The following MPST variants were observed in gnomAD, a reference collection of about 807,000 sequenced individuals.
MPST encodes mercaptopyruvate sulfurtransferase.
A neutral mutation model predicts 28.5 loss-of-function variants in MPST; 27 were observed. The observed-to-expected ratio is 0.95, with a 90% CI of 0.70 to 1.31. The LOEUF is 1.31. MPST is among the 50% of genes most tolerant of loss of function. The pLI, the probability that MPST is intolerant of heterozygous loss-of-function variation, is 0.00. For missense variants in MPST, 492 were observed against 471.1 expected, an observed-to-expected ratio of 1.04 and a Z score of -0.41; for synonymous variants, 204 against 209.3, an observed-to-expected ratio of 0.97 and a Z score of 0.22.
chr22:37,029,158 G>A (rs184010911), intron 2 of MPST, 58 bp from the exon 3 acceptor site: 21 of 1,503,436 alleles, frequency 1.4e-5, no homozygotes, highest in South Asian at 2.4e-5. Context: ...CCACAAATAC[G>A]AGGTACCATT....
At position 37,024,918 on chromosome 22, in the gene MPST, A is replaced by G. The variant is rs139840172; in HGVS notation, c.655+108A>G. 226 of 1,541,474 alleles carry G rather than the reference A, an allele frequency of 1.5e-4. No homozygotes were observed. In the African/African-American group the frequency reaches 2.7e-3, roughly 19 times the overall value. ...TATTTTTTTAATTTATCTTGCTTTCATTTCCTTTCCTTTTTTCTTTCCTTT... is the reference window on the plus strand; with the variant it reads ...TATTTTTTTAATTTATCTTGCTTTCGTTTCCTTTCCTTTTTTCTTTCCTTT... On this transcript the variant is annotated intron_variant, in intron 2 of 2. Transcript: ENST00000429360.
Position 37,024,221 on chromosome 22 carries a change from T to C in MPST, c.66T>C (p.Ala22=), listed in dbSNP as rs931446969. Residue 22 remains alanine (A), a synonymous_variant, in exon 2 of 3, where the codon GCT becomes GCC. Coordinates refer to ENST00000429360, the MANE Select transcript of MPST (RefSeq NM_021126.8). The part of the protein sequence containing the change: ...RARSPSVAAM[A]SPQLCRALVS... ...GCAGCCCGAGTGTCGCCGCCATGGC[T>C]TCGCCGCAGCTCTGCCGCGCGCTGG... 1.2e-5 allele frequency: 17 copies of C among 1,385,278 alleles called. No individual in the cohort carries two copies. The highest frequency in any genetic ancestry group is 1.6e-5 in the Non-Finnish European group (17 of 1,077,872). 85.8% of individuals were successfully genotyped at this position (1,385,278 alleles called of 1,614,324 possible).
intron 1 of MPST, among the ~76,000 whole-genome samples, chr22:37,022,564 G>A (rs1923153320): frequency 6.6e-6 from 1 of 152,204 alleles, no homozygotes; most frequent in African/African-American, 2.4e-5. Flanking sequence ...CTGGGGCAGG[G>A]GAAGTCCAGC....
intron 1 of MPST, 94 bp downstream of exon 1, chr22:37,019,966 C>T: frequency 1.7e-6 from 1 of 591,154 alleles, no homozygotes; most frequent in Non-Finnish European, 2.5e-6. Flanking sequence ...GGGACCTGGG[C>T]GGAAGAGGGG....
At chr22:37,020,957 C>T (rs189032744) in intron 1 of MPST, among the ~76,000 whole-genome samples, 1 of 152,192 alleles carries the variant, frequency 6.6e-6, no homozygotes, top group Admixed American at 6.5e-5. Flanking sequence ...CCATCCCTGG[C>T]CTCATCCCTC....
Position 37,024,176 on chromosome 22 carries a change from C to G in MPST, c.37-16C>G, listed in dbSNP as rs1923286043. 7.3e-7 allele frequency: 1 copy of G among 1,373,468 alleles called. No individual in the cohort carries two copies. Among genetic ancestry groups the G allele is most frequent in the African/African-American group, 1.5e-5 (1 of 64,964 alleles). 85.1% of individuals were successfully genotyped at this position (1,373,468 alleles called of 1,614,324 possible). ...CCTCTCCCTGCTTCCCTTCTGACAT[C>G]CTCCCTGTCGCCCAGGCCCGCAGCC... On this transcript the variant is annotated splice_polypyrimidine_tract_variant and intron_variant, in intron 1 of 2. Transcript: ENST00000429360.
Position 37,024,219 on chromosome 22 carries a change from G to C in MPST, c.64G>C (p.Ala22Pro). Reference sequence around the variant, plus strand: ...CCGCAGCCCGAGTGTCGCCGCCATGGCTTCGCCGCAGCTCTGCCGCGCGCT... The same window carrying C: ...CCGCAGCCCGAGTGTCGCCGCCATGCCTTCGCCGCAGCTCTGCCGCGCGCT... The part of the protein sequence containing the change: ...RARSPSVAAM[A>P]SPQLCRALVS... The change falls in exon 2 of 3, where the codon GCT (alanine) becomes CCT (proline). Residue 22 changes from alanine to proline, a missense_variant. Ala to Pro is a conservative substitution (Grantham distance 27, BLOSUM62 -1). Transcript: ENST00000429360. 7.2e-7 allele frequency: 1 copy of C among 1,384,722 alleles called. No homozygotes were observed. Among genetic ancestry groups the C allele is most frequent in the Non-Finnish European group, 9.3e-7 (1 of 1,077,490 alleles). The allele number at this position is 1,384,722 out of a possible 1,614,324, so 85.8% of individuals were successfully genotyped here.
At chr22:37,028,878 T>G (rs1200776885) in intron 2 of MPST, 3 of 244,790 alleles carry the variant, frequency 1.2e-5, no homozygotes, top group Non-Finnish European at 2.4e-5. Context: ...TACTGCACGT[T>G]CTAGCTAGGC....
chr22:37,024,971 C>T (rs1019919905), intron 2 of MPST, 161 bp downstream of exon 2: 8 of 1,504,258 alleles, frequency 5.3e-6, no homozygotes, highest in Admixed American at 3.9e-5. Flanking sequence ...CTCCTTTCCC[C>T]CTTTTCCCTA....
chr22:37,029,160 G>A (rs8136338), intron 2 of MPST, 56 bp from the exon 3 acceptor site: 242,843 of 1,518,182 alleles, frequency 0.16, 21,432 homozygotes, highest in Admixed American at 0.24. Flanking sequence ...ACAAATACGA[G>A]GTACCATTCA....
At chr22:37,029,183 A>G (rs1248071777) in intron 2 of MPST, 33 bp from the exon 3 acceptor site, 2 of 1,595,664 alleles carry the variant, frequency 1.3e-6, no homozygotes, top group Admixed American at 1.7e-5. Context: ...GCATCCTTCT[A>G]TTTGTCCCCT....
intron 2 of MPST, chr22:37,028,942 G>A (rs1383328694): frequency 9.2e-6 from 4 of 436,142 alleles, no homozygotes; most frequent in South Asian, 8.0e-5. Context: ...AGGAAACCTT[G>A]GGGCCCAGTT....
chr22:37,029,805 C>T lies in MPST; in HGVS notation c.*291C>T, dbSNP rs894889111. On this transcript the variant is annotated 3_prime_UTR_variant, in exon 3 of 3. Coordinates refer to ENST00000429360, the MANE Select transcript of MPST (RefSeq NM_021126.8). The stretch of plus-strand genomic sequence containing the variant: ...TTTATTTTTGAGGAAATAAAATAAC[C>T]AAGTGCTAAATCTTGTAGCTCTGGG... The T allele has an allele frequency of 6.1e-6, 3 of 492,382 alleles. No individual in the cohort carries two copies. The highest frequency in any genetic ancestry group is 1.9e-5 in the African/African-American group (1 of 51,668). 30.5% of individuals were successfully genotyped at this position (492,382 alleles called of 1,614,324 possible).
chr22:37,024,592 C>A lies in MPST; in HGVS notation c.437C>A (p.Ser146Ter). 3 of 1,593,824 alleles carry A rather than the reference C, an allele frequency of 1.9e-6. No individual in the cohort carries two copies. The South Asian group carries it at 3.3e-5, about 18-fold the overall frequency. The change falls in exon 2 of 3, where the codon TCA (serine) becomes TAA (stop). Residue 146 changes from serine (S) to a stop codon, truncating the protein, a stop_gained. Transcript: ENST00000429360. LOFTEE classifies it high-confidence loss of function. ...MFRAFGHHAV[S>*]LLDGGLRHWL... ...CGCGCCTTCGGCCACCACGCCGTGTCACTGCTTGATGGCGGCCTCCGCCAC... is the reference window on the plus strand; with the variant it reads ...CGCGCCTTCGGCCACCACGCCGTGTAACTGCTTGATGGCGGCCTCCGCCAC...
chr22:37,024,536 C>T lies in MPST; in HGVS notation c.381C>T (p.Leu127=). The change falls in exon 2 of 3, where the codon CTC becomes CTT. Residue 127 remains leucine, a synonymous_variant. Transcript: ENST00000429360. ...VVIYDASDQG[L]YSAPRVWWMF... ...TCTACGACGCCAGCGACCAGGGCCTCTACTCCGCCCCGCGCGTCTGGTGGA... is the reference window on the plus strand; with the variant it reads ...TCTACGACGCCAGCGACCAGGGCCTTTACTCCGCCCCGCGCGTCTGGTGGA... 6.4e-7 allele frequency: 1 copy of T among 1,569,708 alleles called. No homozygotes were observed. The highest frequency in any genetic ancestry group is 8.6e-7 in the Non-Finnish European group (1 of 1,163,378).
At position 37,029,564 on chromosome 22, in the gene MPST, C is replaced by T; in HGVS notation, c.*50C>T. ...CAGGTGATGCCGGCCACCAGCAATG[C>T]CTGGCCTGGTAGCTCCGCTTCTGCT... On this transcript the variant is annotated 3_prime_UTR_variant, in exon 3 of 3. Coordinates refer to ENST00000429360, the MANE Select transcript of MPST (RefSeq NM_021126.8). 1 of 1,509,184 alleles carries T rather than the reference C, an allele frequency of 6.6e-7. No individual in the cohort carries two copies. The highest frequency in any genetic ancestry group is 9.0e-7 in the Non-Finnish European group (1 of 1,115,084). 93.5% of individuals were successfully genotyped at this position (1,509,184 alleles called of 1,614,324 possible). A position where few individuals can be genotyped will look rare whatever the true frequency, so the allele number is the denominator to read the frequency against.
At position 37,024,625 on chromosome 22, in the gene MPST, GC is replaced by G; in HGVS notation, c.472del (p.Gln158ArgfsTer72). 1 of 1,594,398 alleles carries G rather than the reference GC, an allele frequency of 6.3e-7. No homozygotes were observed. Among genetic ancestry groups the G allele is most frequent in the Non-Finnish European group, 8.5e-7 (1 of 1,176,258 alleles). On this transcript the variant is annotated frameshift_variant, in exon 2 of 3. Coordinates refer to ENST00000429360, the MANE Select transcript of MPST (RefSeq NM_021126.8). LOFTEE classifies it high-confidence loss of function. ...LLDGGLRHWL[R>X]QNLPLSSGKS... The stretch of plus-strand genomic sequence containing the variant: ...GATGGCGGCCTCCGCCACTGGCTGC[GC>G]CAGAACCTCCCGCTCAGCTCCGGCA...
chr22:37,029,512 T>C lies in MPST; in HGVS notation c.952T>C (p.Ter318ArgextTer92), dbSNP rs1353722710. The stretch of plus-strand genomic sequence containing the variant: ...CTCAGAGGGCCGGGGGAAGACCCAC[T>C]GAAGCTGGGCAGGACACAGGCGAGC... Reference protein sequence around the residue: ...VISEGRGKTH* With the variant: ...VISEGRGKTHR Residue 318 changes from the stop codon to arginine, a stop_lost, in exon 3 of 3, where the codon TGA becomes CGA. Transcript: ENST00000429360. The C allele has an allele frequency of 3.7e-6, 6 of 1,600,610 alleles. No homozygotes were observed. Among genetic ancestry groups the C allele is most frequent in the Non-Finnish European group, 5.1e-6 (6 of 1,172,410 alleles).
chr22:37,029,073 T>G, intron 2 of MPST, 143 bp from the exon 3 acceptor site: 79 of 780,790 alleles, frequency 1.0e-4, no homozygotes, highest in Middle Eastern at 2.4e-4. Context: ...TTTATGGTTG[T>G]GAGAATTAAA....
Sources: allele counts gnomAD v4.1 joint callset (sites outside exome capture counted in the v4.1 genomes callset), GRCh38; gene constraint gnomAD v4.1.1; transcripts MANE v1.5; gene names NCBI Gene and HGNC (gene_info 2026-07-23, HGNC 2026-07-21).